The following COL4A1 variants were observed in gnomAD, a reference collection of about 807,000 sequenced individuals.
COL4A1 encodes the protein collagen type IV alpha 1 chain, also known as collagen alpha-1(IV) chain.
Under a neutral mutation model 216.6 loss-of-function variants are expected in COL4A1, and 40 were observed. That is an observed-to-expected ratio of 0.18 (90% CI 0.14 to 0.24). The LOEUF is 0.24. Among genes scored for constraint, COL4A1 ranks in the 10% least tolerant of loss-of-function variants. COL4A1 has a pLI of 1.00. For synonymous variants in COL4A1, 839 were observed against 810.7 expected, an observed-to-expected ratio of 1.03 and a Z score of -0.59; for missense variants, 1,628 against 2,196.8, an observed-to-expected ratio of 0.74 and a Z score of 5.18.
At chr13:110,235,637 C>A (rs994529099) in intron 2 of COL4A1, among the ~76,000 whole-genome samples, 1 of 128,020 alleles carries the variant, frequency 7.8e-6, no homozygotes, top group Non-Finnish European at 1.6e-5. Context: ...CCAGCCTGGG[C>A]GACAGAGTAA....
chr13:110,233,659 GT>G (rs1310747606), intron 2 of COL4A1, among the ~76,000 whole-genome samples: 1 of 152,134 alleles, frequency 6.6e-6, no homozygotes, highest in Non-Finnish European at 1.5e-5. Flanking sequence ...AAGGAGAGTC[GT>G]TTTCCTCACA....
At chr13:110,219,762 GTAT>G (rs1566385307) in intron 2 of COL4A1, among the ~76,000 whole-genome samples, 1 of 130,644 alleles carries the variant, frequency 7.7e-6, no homozygotes, top group Non-Finnish European at 1.7e-5. Context: ...GTATATATGC[GTAT>G]ATATGTATAT....
chr13:110,299,602 C>T, intron 1 of COL4A1, among the ~76,000 whole-genome samples: 1 of 152,208 alleles, frequency 6.6e-6, no homozygotes, highest in South Asian at 2.1e-4. Flanking sequence ...CCAGGGCCCA[C>T]ACATTTCCCT....
rs781324807 is a variant in COL4A1, at chr13:110,211,649, T to G, written c.466A>C (p.Lys156Gln). 7 of 1,612,126 alleles carry G rather than the reference T, an allele frequency of 4.3e-6. No homozygotes were observed. The highest frequency in any genetic ancestry group is 5.9e-6 in the Non-Finnish European group (7 of 1,179,506). Residue 156 changes from lysine (K) to glutamine (Q), a missense_variant and splice_region_variant, in exon 8 of 52, where the codon AAG becomes CAG. Coordinates refer to ENST00000375820, the MANE Select transcript of COL4A1 (RefSeq NM_001845.6). This position sits in a 1 kb window ranked among gnomAD's most constrained non-coding sequence, Gnocchi z 4.3. The stretch of plus-strand genomic sequence containing the variant: ...AAGCAAAATAAAATAAAATGTACCT[T>G]CATCCCTGGTAAGCCTGGTGGTCCC... ...NPGPPGLPGM[K>Q]GDPGEILGHV...
At chr13:110,185,739 G>A (rs1878372840) in intron 26 of COL4A1, among the ~76,000 whole-genome samples, 1 of 152,164 alleles carries the variant, frequency 6.6e-6, no homozygotes. Flanking sequence ...CTGAAAATAA[G>A]CAAGTCGTGG....
chr13:110,237,220 C>T (rs929401254), intron 2 of COL4A1, among the ~76,000 whole-genome samples: 3 of 152,156 alleles, frequency 2.0e-5, no homozygotes, highest in African/African-American at 7.2e-5. Flanking sequence ...TATTCTGAGC[C>T]GTGTCTTCAG....
In COL4A1 at chr13:110,205,353, C is replaced by T; in HGVS notation, c.957G>A (p.Gln319=). The T allele has an allele frequency of 6.2e-7, 1 of 1,613,988 alleles. No individual in the cohort carries two copies. Among genetic ancestry groups the T allele is most frequent in the Non-Finnish European group, 8.5e-7 (1 of 1,179,992 alleles). ...YPGLIGRQGP[Q]GEKGEAGPPG... ...GGCTCACAATAGTGCCAGCGTTTAC[C>T]TGCGGGCCCTGGCGGCCTATGAGTC... Residue 319 remains glutamine, a splice_region_variant and synonymous_variant, in exon 17 of 52, where the codon CAG becomes CAA. Coordinates refer to ENST00000375820, the MANE Select transcript of COL4A1 (RefSeq NM_001845.6).
intron 41 of COL4A1, among the ~76,000 whole-genome samples, chr13:110,172,247 GCT>G (rs1877680929): frequency 2.6e-5 from 4 of 152,222 alleles, no homozygotes; most frequent in Non-Finnish European, 5.9e-5. Flanking sequence ...GAAATGCTCA[GCT>G]CTCTGAGAGA....
Position 110,216,057 on chromosome 13 carries a change from G to C in COL4A1, c.145-2042C>G, listed in dbSNP as rs533597707. Among the ~76,000 whole-genome samples, 10 of 152,276 alleles carry C rather than the reference G, an allele frequency of 6.6e-5. No individual in the cohort carries two copies. In the East Asian group the frequency reaches 1.9e-3, roughly 29 times the overall value. The stretch of plus-strand genomic sequence containing the variant: ...AAAGAATTGAATCAAACAGTAAATG[G>C]ATTAAAGAACCTCAAGCCCCATACT... On this transcript the variant is annotated intron_variant, in intron 2 of 51. Coordinates refer to ENST00000375820, the MANE Select transcript of COL4A1 (RefSeq NM_001845.6).
intron 2 of COL4A1, among the ~76,000 whole-genome samples, chr13:110,226,588 T>C (rs1880746609): frequency 6.6e-6 from 1 of 152,226 alleles, no homozygotes; most frequent in South Asian, 2.1e-4. Context: ...AGGTTAAAAC[T>C]AGACAAACCA....
chr13:110,211,642 T>C lies in COL4A1; in HGVS notation c.468+5A>G, dbSNP rs1291784139. Reference sequence around the variant, plus strand: ...TCCAATAAAGCAAAATAAAATAAAATGTACCTTCATCCCTGGTAAGCCTGG... The same window carrying C: ...TCCAATAAAGCAAAATAAAATAAAACGTACCTTCATCCCTGGTAAGCCTGG... On this transcript the variant is annotated splice_donor_5th_base_variant and intron_variant, in intron 8 of 51. Coordinates refer to ENST00000375820, the MANE Select transcript of COL4A1 (RefSeq NM_001845.6). This position sits in a 1 kb window ranked among gnomAD's most constrained non-coding sequence, Gnocchi z 4.3. 15 of 1,610,950 alleles carry C rather than the reference T, an allele frequency of 9.3e-6. No homozygotes were observed. The highest frequency in any genetic ancestry group is 1.3e-5 in the Non-Finnish European group (15 of 1,179,290).
chr13:110,150,341 A>G lies in COL4A1; in HGVS notation c.*22T>C, dbSNP rs761118951. On this transcript the variant is annotated 3_prime_UTR_variant, in exon 52 of 52. Coordinates refer to ENST00000375820, the MANE Select transcript of COL4A1 (RefSeq NM_001845.6). ...GAAGAAGAAGTAGCACCATGTTGTG[A>G]CATTAGCTGAGTCAGGCTTCATTAT... The G allele has an allele frequency of 6.2e-7, 1 of 1,609,700 alleles. No homozygotes were observed. Among genetic ancestry groups the G allele is most frequent in the Non-Finnish European group, 8.5e-7 (1 of 1,176,794 alleles).
At position 110,170,415 on chromosome 13, in the gene COL4A1, C is replaced by T. The variant is rs1287708532; in HGVS notation, c.3742+132G>A. On this transcript the variant is annotated intron_variant, in intron 42 of 51. Coordinates refer to ENST00000375820, the MANE Select transcript of COL4A1 (RefSeq NM_001845.6). ...ACTCGATGGGGGCCAAACACAATTT[C>T]AAGCTGTAATAAATGCTGCAGACTT... is the stretch of plus-strand genomic sequence containing the variant. 15 of 1,001,006 alleles carry T rather than the reference C, an allele frequency of 1.5e-5. No homozygotes were observed. The East Asian group carries it at 3.9e-4, about 26-fold the overall frequency. The allele number at this position is 1,001,006 out of a possible 1,614,324, so 62.0% of individuals were successfully genotyped here.
At chr13:110,306,876 C>T in intron 1 of COL4A1, 68 bp downstream of exon 1, 1 of 1,380,160 alleles carries the variant, frequency 7.2e-7, no homozygotes, top group Non-Finnish European at 9.4e-7. Flanking sequence ...CAGGCGCGGA[C>T]AAAGGGGCCT....
intron 2 of COL4A1, among the ~76,000 whole-genome samples, chr13:110,233,476 G>C (rs1881161460): frequency 6.6e-6 from 1 of 152,102 alleles, no homozygotes; most frequent in South Asian, 2.1e-4. Context: ...TCCATTAGAT[G>C]GCAAAAACGA....
In COL4A1 at chr13:110,165,004, G is replaced by A; in HGVS notation, c.4022-14C>T. ...GACCCGGGAGACCTGTGGGAATAGG[G>A]AAGGCATTGATCAATTTCACTGTCC... is the stretch of plus-strand genomic sequence containing the variant. On this transcript the variant is annotated splice_polypyrimidine_tract_variant and intron_variant, in intron 45 of 51. Coordinates refer to ENST00000375820, the MANE Select transcript of COL4A1 (RefSeq NM_001845.6). The A allele has an allele frequency of 6.2e-7, 1 of 1,601,040 alleles. No homozygotes were observed. The highest frequency in any genetic ancestry group is 8.5e-7 in the Non-Finnish European group (1 of 1,174,554).
At chr13:110,150,916 TA>T (rs1468495824) in intron 51 of COL4A1, among the ~76,000 whole-genome samples, 1 of 152,252 alleles carries the variant, frequency 6.6e-6, no homozygotes, top group East Asian at 1.9e-4. Flanking sequence ...TGATGAGTAA[TA>T]AATCTGGAGT....
chr13:110,176,818 G>A, intron 34 of COL4A1, 67 bp downstream of exon 34: 2 of 1,613,888 alleles, frequency 1.2e-6, no homozygotes, highest in African/African-American at 1.3e-5. Flanking sequence ...ATTTATGGAG[G>A]ACCCGATAAC....
rs891068003 is a variant in COL4A1, at chr13:110,215,997, T to C, written c.145-1982A>G. Among the ~76,000 whole-genome samples the C allele has an allele frequency of 1.1e-4, 17 of 152,334 alleles. No individual in the cohort carries two copies. The East Asian group carries it at 3.3e-3, about 29-fold the overall frequency. The stretch of plus-strand genomic sequence containing the variant: ...ATATGTCAGGAGTCTAGACACAGTA[T>C]GTGGATAAATATGGGAGAGATTGTT... On this transcript the variant is annotated intron_variant, in intron 2 of 51. Transcript: ENST00000375820.
Sources: allele counts gnomAD v4.1 joint callset (sites outside exome capture counted in the v4.1 genomes callset), GRCh38; gene constraint gnomAD v4.1.1; non-coding constraint Gnocchi (gnomAD v3.1); transcripts MANE v1.5; gene names NCBI Gene and HGNC (gene_info 2026-07-23, HGNC 2026-07-21).